Variants in LRMDA observed in about 807,000 individuals in gnomAD.
LRMDA encodes leucine-rich melanocyte differentiation-associated protein.
Under a neutral mutation model 29.8 loss-of-function variants are expected in LRMDA, and 18 were observed. The ratio of observed to expected loss-of-function variants is 0.60; its 90% CI spans 0.42 to 0.90. The LOEUF is 0.90. Among genes scored for constraint, LRMDA ranks in the 40% least tolerant of loss-of-function variants. The pLI is 0.00. For missense variants in LRMDA, 273 were observed against 273.9 expected (o/e 1.00, Z 0.02); for synonymous variants, 125 against 109.4 (o/e 1.14, Z -0.89).
chr10:75,752,490 G>A (rs922722719), intron 2 of LRMDA, among the ~76,000 whole-genome samples: 1 of 152,210 alleles, frequency 6.6e-6, no homozygotes. Context: ...GATTACAGGT[G>A]TGAACCACCA....
chr10:75,956,900 C>A (rs564200161), intron 2 of LRMDA, among the ~76,000 whole-genome samples: 1 of 152,140 alleles, frequency 6.6e-6, no homozygotes, highest in Non-Finnish European at 1.5e-5. Flanking sequence ...ACTGGGCTAC[C>A]GTGGACTTTT....
intron 2 of LRMDA, among the ~76,000 whole-genome samples, chr10:75,841,185 TTA>T: frequency 6.6e-6 from 1 of 152,214 alleles, no homozygotes; most frequent in Admixed American, 6.5e-5. Context: ...TCCCGAAGCC[TTA>T]GCAAGAGGAC....
intron 5 of LRMDA, among the ~76,000 whole-genome samples, chr10:76,175,048 G>T (rs1353577367): frequency 6.6e-6 from 1 of 152,172 alleles, no homozygotes; most frequent in East Asian, 1.9e-4. Context: ...TTCAACCTGG[G>T]GAGGCAGAGA....
intron 2 of LRMDA, among the ~76,000 whole-genome samples, chr10:75,995,560 C>T (rs1257825167): frequency 2.6e-5 from 4 of 152,208 alleles, no homozygotes; most frequent in Admixed American, 2.6e-4. Flanking sequence ...CCTCTTTGAA[C>T]TTCTTTCCTT....
intron 3 of LRMDA, among the ~76,000 whole-genome samples, chr10:76,046,377 C>G (rs1325429181): frequency 6.6e-6 from 1 of 152,154 alleles, no homozygotes; most frequent in Non-Finnish European, 1.5e-5. Context: ...AATAATCTCC[C>G]CCATCATGCC....
chr10:75,896,162 A>G (rs1845577246), intron 2 of LRMDA, among the ~76,000 whole-genome samples: 1 of 152,244 alleles, frequency 6.6e-6, no homozygotes, highest in African/African-American at 2.4e-5. Context: ...GTTAAAACAG[A>G]ATAATGAGAT....
At chr10:75,552,150 G>C (rs1333230591) in intron 2 of LRMDA, among the ~76,000 whole-genome samples, 1 of 152,018 alleles carries the variant, frequency 6.6e-6, no homozygotes, top group Non-Finnish European at 1.5e-5. Flanking sequence ...CTGTAGATCT[G>C]AATTTCCTTC....
chr10:76,013,730 A>T (rs1490823689), intron 2 of LRMDA, among the ~76,000 whole-genome samples: 1 of 152,022 alleles, frequency 6.6e-6, no homozygotes, highest in Non-Finnish European at 1.5e-5. Context: ...CCATCTTAGA[A>T]GGCCTCTGTG....
At chr10:76,119,387 G>A (rs1181281996) in intron 5 of LRMDA, among the ~76,000 whole-genome samples, 1 of 151,580 alleles carries the variant, frequency 6.6e-6, no homozygotes, top group Non-Finnish European at 1.5e-5. Context: ...AAATGAAGAG[G>A]GAACCTGGAA....
At chr10:75,668,538 T>C (rs1255008687) in intron 2 of LRMDA, among the ~76,000 whole-genome samples, 1 of 152,208 alleles carries the variant, frequency 6.6e-6, no homozygotes, top group African/African-American at 2.4e-5. Context: ...TGTAATGCCA[T>C]GAAGACAAGG....
At chr10:76,116,776 G>A (rs773344267) in intron 5 of LRMDA, among the ~76,000 whole-genome samples, 2 of 152,020 alleles carry the variant, frequency 1.3e-5, no homozygotes, top group Non-Finnish European at 2.9e-5. Context: ...TACATTAAAG[G>A]GAAACTGGTT....
At chr10:75,598,561 A>G (rs1003481907) in intron 2 of LRMDA, among the ~76,000 whole-genome samples, 4 of 152,046 alleles carry the variant, frequency 2.6e-5, no homozygotes, top group Non-Finnish European at 5.9e-5. Flanking sequence ...AGCATCAGGA[A>G]AATGCTCTGT....
At chr10:76,030,643 G>C (rs1425691870) in intron 2 of LRMDA, among the ~76,000 whole-genome samples, 1 of 152,172 alleles carries the variant, frequency 6.6e-6, no homozygotes, top group Non-Finnish European at 1.5e-5. Context: ...ACAAAAATTA[G>C]CTGGGCGTGG....
At chr10:76,228,753 C>T (rs1852007259) in intron 5 of LRMDA, among the ~76,000 whole-genome samples, 2 of 152,164 alleles carry the variant, frequency 1.3e-5, no homozygotes, top group African/African-American at 4.8e-5. Flanking sequence ...GGACATTGCA[C>T]ATCTTATAAC....
At chr10:76,286,058 G>A (rs1840267448) in intron 5 of LRMDA, among the ~76,000 whole-genome samples, 1 of 152,164 alleles carries the variant, frequency 6.6e-6, no homozygotes, top group East Asian at 1.9e-4. Context: ...CAGTGTGGGT[G>A]TACAGCAGGT....
At chr10:76,228,421 G>A (rs1852001026) in intron 5 of LRMDA, among the ~76,000 whole-genome samples, 1 of 152,124 alleles carries the variant, frequency 6.6e-6, no homozygotes, top group African/African-American at 2.4e-5. Flanking sequence ...TAGACACCAG[G>A]CCAGGCATGC....
intron 5 of LRMDA, among the ~76,000 whole-genome samples, chr10:76,215,140 C>G (rs1851706501): frequency 6.6e-6 from 1 of 152,160 alleles, no homozygotes; most frequent in Non-Finnish European, 1.5e-5. Context: ...CAGCAGGACT[C>G]AAAGACCTGG....
intron 5 of LRMDA, among the ~76,000 whole-genome samples, chr10:76,277,074 T>C (rs1293297300): frequency 6.6e-6 from 1 of 152,192 alleles, no homozygotes; most frequent in Non-Finnish European, 1.5e-5. Context: ...GAGTATCCCC[T>C]TCTCCAGCTC....
At chr10:76,080,819 G>C (rs1849037133) in intron 5 of LRMDA, among the ~76,000 whole-genome samples, 1 of 152,190 alleles carries the variant, frequency 6.6e-6, no homozygotes. Context: ...ATAAGTCAGA[G>C]AGTAGAATAG....
Sources: gnomAD v4.1 joint callset for allele counts (sites outside exome capture counted in the v4.1 genomes callset) on GRCh38, gnomAD v4.1.1 for gene constraint, MANE v1.5 for transcripts, NCBI Gene and HGNC (gene_info 2026-07-23, HGNC 2026-07-21) for gene names.